SMURF2: variants seen among roughly 807,000 people sequenced by gnomAD.
SMURF2 encodes E3 ubiquitin-protein ligase SMURF2.
Under a neutral mutation model 109.6 loss-of-function variants are expected in SMURF2, and 48 were observed. That is an observed-to-expected ratio of 0.44 (90% CI 0.35 to 0.56). The LOEUF is 0.56. Ranked by LOEUF, SMURF2 falls within the 20% of genes least tolerant of loss-of-function variation. The pLI, the probability that SMURF2 is intolerant of heterozygous loss-of-function variation, is 0.01. For synonymous variants in SMURF2, 288 were observed against 317.1 expected (o/e 0.91, Z 0.97); for missense variants, 575 against 909.0 (o/e 0.63, Z 4.72).
At chr17:64,589,351 A>AC (rs1433365385) in intron 5 of SMURF2, among the ~76,000 whole-genome samples, 3 of 152,000 alleles carry the variant, frequency 2.0e-5, no homozygotes, top group African/African-American at 7.2e-5. Context: ...CAGAAGGAAC[A>AC]CTTACATGTG....
intron 1 of SMURF2, among the ~76,000 whole-genome samples, chr17:64,610,649 T>C (rs1555689472): frequency 1.3e-5 from 2 of 152,188 alleles, no homozygotes; most frequent in African/African-American, 4.8e-5. Context: ...GAGAAATACC[T>C]AATGTAGATG....
At chr17:64,614,289 A>C (rs1555689927) in intron 1 of SMURF2, among the ~76,000 whole-genome samples, 1 of 152,234 alleles carries the variant, frequency 6.6e-6, no homozygotes, top group Non-Finnish European at 1.5e-5. Context: ...GAATTAATTC[A>C]ATTAATTTTC....
chr17:64,645,243 CTGTT>C (rs1286113293), intron 1 of SMURF2, among the ~76,000 whole-genome samples: 3 of 152,130 alleles, frequency 2.0e-5, no homozygotes, highest in African/African-American at 7.2e-5. Flanking sequence ...TTTAATAAAT[CTGTT>C]TTCTATAATA....
intron 2 of SMURF2, 48 bp downstream of exon 2, chr17:64,606,554 C>T: frequency 7.6e-7 from 1 of 1,317,648 alleles, no homozygotes; most frequent in Admixed American, 2.5e-5. Context: ...AAACGCTGTT[C>T]CCAAAGATCT....
intron 1 of SMURF2, 37 bp downstream of exon 1, chr17:64,661,792 C>A: frequency 8.2e-7 from 1 of 1,217,278 alleles, no homozygotes; most frequent in Non-Finnish European, 1.0e-6. Flanking sequence ...CTCGCCCACC[C>A]CGCGGCTGCC....
In SMURF2 at chr17:64,649,267, A is replaced by G. The variant is rs1229735899; in HGVS notation, c.52+12562T>C. Among the ~76,000 whole-genome samples the G allele has an allele frequency of 5.9e-5, 9 of 152,276 alleles. No homozygotes were observed. The South Asian group carries it at 1.2e-3, about 21-fold the overall frequency. On this transcript the variant is annotated intron_variant, in intron 1 of 18. Coordinates refer to ENST00000262435, the MANE Select transcript of SMURF2 (RefSeq NM_022739.4). ...GGGTTTCAGTTTTACAGGTTTTTAC[A>G]TACCCTGACATCTATCAGTGCAGAA... is the stretch of plus-strand genomic sequence containing the variant.
In SMURF2 at chr17:64,581,781, C is replaced by T. The variant is rs181154000; in HGVS notation, c.570-790G>A. Among the ~76,000 whole-genome samples, 6 of 151,948 alleles carry T rather than the reference C, an allele frequency of 3.9e-5. No homozygotes were observed. The highest frequency in any genetic ancestry group is 1.4e-4 in the African/African-American group (6 of 41,386). On this transcript the variant is annotated intron_variant, in intron 7 of 18. Transcript: ENST00000262435. This position sits in a 1 kb window ranked among gnomAD's most constrained non-coding sequence, Gnocchi z 4.3. ...CCAACACAGCGAAACCCCATCTCTA[C>T]TAAAAATACAAAAATTAGCCGGGTG...
At chr17:64,550,757 C>CAAAAAAAAAA (rs146307567) in intron 16 of SMURF2, among the ~76,000 whole-genome samples, 4 of 69,712 alleles carry the variant, frequency 5.7e-5, no homozygotes, top group South Asian at 1.2e-3. Context: ...ACTCTGTCTC[C>CAAAAAAAAAA]AAAAAAAAAA....
In SMURF2 at chr17:64,542,851, C is replaced by A. The variant is rs1968893646; in HGVS notation, c.*2997G>T. 1.3e-5 allele frequency: 2 copies of A among 152,106 alleles called. No individual in the cohort carries two copies. Among genetic ancestry groups the A allele is most frequent in the South Asian group, 4.1e-4 (2 of 4,828 alleles). 9.4% of individuals were successfully genotyped at this position (152,106 alleles called of 1,614,324 possible). ...TAAAAAACCCATTCGGGGCAACAAA[C>A]TATGTGCAAAACAAAATGTACACTA... On this transcript the variant is annotated 3_prime_UTR_variant, in exon 19 of 19. Transcript: ENST00000262435.
chr17:64,575,258 ATTC>A (rs1477035854), intron 9 of SMURF2, among the ~76,000 whole-genome samples: 3 of 151,810 alleles, frequency 2.0e-5, no homozygotes, highest in African/African-American at 7.3e-5. Context: ...GGTTCAAGCA[ATTC>A]TTCTTCTTCA....
intron 1 of SMURF2, 29 bp downstream of exon 1, chr17:64,661,800 G>A (rs1970781368): frequency 8.2e-7 from 1 of 1,217,028 alleles, no homozygotes; most frequent in Non-Finnish European, 1.0e-6. Context: ...CCCCGCGGCT[G>A]CCCAGCCCGG....
chr17:64,635,313 C>T (rs916357891), intron 1 of SMURF2, among the ~76,000 whole-genome samples: 17 of 152,178 alleles, frequency 1.1e-4, no homozygotes, highest in African/African-American at 4.1e-4. Flanking sequence ...GGCGACAGAG[C>T]GAGACTAGGT....
At chr17:64,573,006 T>C (rs1555685703) in intron 9 of SMURF2, 1 of 151,568 alleles carries the variant, frequency 6.6e-6, no homozygotes, top group Non-Finnish European at 1.5e-5. Context: ...AAATGAATAC[T>C]TTAGGTTACC....
At chr17:64,646,373 T>C (rs916930842) in intron 1 of SMURF2, among the ~76,000 whole-genome samples, 9 of 146,276 alleles carry the variant, frequency 6.2e-5, no homozygotes, top group African/African-American at 7.7e-5. Context: ...TTCTTTTTTT[T>C]TTTCTTTCTT....
intron 1 of SMURF2, among the ~76,000 whole-genome samples, chr17:64,639,862 G>A (rs1392977904): frequency 6.6e-6 from 1 of 152,144 alleles, no homozygotes; most frequent in Non-Finnish European, 1.5e-5. Flanking sequence ...CCTGCCCTGT[G>A]GGTGCTCCCC....
chr17:64,613,673 A>AGTGTGTGTGTGTGTGTGT (rs61060865), intron 1 of SMURF2, among the ~76,000 whole-genome samples: 4 of 20,794 alleles, frequency 1.9e-4, no homozygotes, highest in Admixed American at 8.0e-4. Context: ...TCCACGGACC[A>AGTGTGTGTGTGTGTGTGT]GTGTGTGTGT....
At chr17:64,601,530 T>C (rs1969895752) in intron 2 of SMURF2, among the ~76,000 whole-genome samples, 1 of 152,016 alleles carries the variant, frequency 6.6e-6, no homozygotes, top group Non-Finnish European at 1.5e-5. Flanking sequence ...ATGGCCATAA[T>C]CAAAAAATTT....
intron 1 of SMURF2, among the ~76,000 whole-genome samples, chr17:64,634,940 TAACA>T (rs2144714046): frequency 6.6e-6 from 1 of 152,298 alleles, no homozygotes; most frequent in Admixed American, 6.5e-5. Context: ...TCATAAATTT[TAACA>T]AACTGGCAAA....
chr17:64,564,451 A>G (rs1969272928), intron 10 of SMURF2, among the ~76,000 whole-genome samples: 1 of 152,182 alleles, frequency 6.6e-6, no homozygotes. Context: ...GTGTCCCCCA[A>G]AAGATATGCT....
Sources: gnomAD v4.1 joint callset for allele counts (sites outside exome capture counted in the v4.1 genomes callset) on GRCh38, gnomAD v4.1.1 for gene constraint, Gnocchi (gnomAD v3.1) non-coding constraint, MANE v1.5 for transcripts, NCBI Gene and HGNC (gene_info 2026-07-23, HGNC 2026-07-21) for gene names.